The following AKT3 variants were observed in gnomAD, a reference collection of about 807,000 sequenced individuals.
AKT3 encodes AKT serine/threonine kinase 3, also known as RAC-gamma serine/threonine-protein kinase.
Under a neutral mutation model 65.3 loss-of-function variants are expected in AKT3, and 15 were observed. That is an observed-to-expected ratio of 0.23 (90% confidence interval 0.15 to 0.35). The LOEUF is 0.35. AKT3 is among the 10% of genes least tolerant of loss of function. The pLI, the probability that AKT3 is intolerant of heterozygous loss-of-function variation, is 1.00. For missense variants in AKT3, 243 were observed against 576.5 expected (o/e 0.42, Z 5.92); for synonymous variants, 206 against 183.8 (o/e 1.12, Z -0.98).
chr1:243,528,081 T>TAC (rs1671279165), intron 12 of AKT3, among the ~76,000 whole-genome samples: 1 of 152,186 alleles, frequency 6.6e-6, no homozygotes, highest in African/African-American at 2.4e-5. Flanking sequence ...TTGATGTCAC[T>TAC]ACAAGGGTAT....
chr1:243,526,947 A>G (rs1344644757), intron 12 of AKT3, among the ~76,000 whole-genome samples: 3 of 152,114 alleles, frequency 2.0e-5, no homozygotes, highest in African/African-American at 7.2e-5. Context: ...AAAACCATGG[A>G]AGTGTATACT....
chr1:243,844,789 G>A (rs1284420072), intron 1 of AKT3, among the ~76,000 whole-genome samples: 5 of 152,130 alleles, frequency 3.3e-5, no homozygotes, highest in African/African-American at 4.8e-5. Flanking sequence ...TTCTTCATAA[G>A]ATGTATGCGG....
At chr1:243,754,352 C>T (rs1200788461) in intron 2 of AKT3, among the ~76,000 whole-genome samples, 1 of 152,222 alleles carries the variant, frequency 6.6e-6, no homozygotes, top group Non-Finnish European at 1.5e-5. Context: ...CCTGTATCTG[C>T]ATTTGATTTT....
In AKT3 at chr1:243,499,849, C is replaced by A. The variant is rs887001769; in HGVS notation, c.*5400G>T. The A allele has an allele frequency of 3.3e-6, 5 of 1,497,814 alleles. No individual in the cohort carries two copies. The African/African-American group carries it at 5.5e-5, about 17-fold the overall frequency. The allele number at this position is 1,497,814 out of a possible 1,614,324, so 92.8% of individuals were successfully genotyped here. A position where few individuals can be genotyped will look rare whatever the true frequency, so the allele number is the denominator to read the frequency against. ...GATATTTACATTCATCTGGTTTAGA[C>A]TTAATATGCCACAACGCACCACGAC... On this transcript the variant is annotated 3_prime_UTR_variant, in exon 14 of 14. Transcript: ENST00000673466.
intron 2 of AKT3, among the ~76,000 whole-genome samples, chr1:243,841,164 T>C (rs1282059843): frequency 7.9e-6 from 1 of 127,202 alleles, no homozygotes; most frequent in Non-Finnish European, 1.9e-5. Context: ...AGAAAAATGA[T>C]GGCAAATTCT....
chr1:243,745,323 G>A (rs1427404561), intron 2 of AKT3, among the ~76,000 whole-genome samples: 1 of 152,288 alleles, frequency 6.6e-6, no homozygotes, highest in South Asian at 2.1e-4. Flanking sequence ...CTGGGCAACA[G>A]AGGGAGATCC....
intron 2 of AKT3, among the ~76,000 whole-genome samples, chr1:243,831,783 T>C (rs1694528751): frequency 6.6e-6 from 1 of 152,110 alleles, no homozygotes; most frequent in South Asian, 2.1e-4. Flanking sequence ...TTTTAAATCT[T>C]TCCACCCAAA....
intron 5 of AKT3, among the ~76,000 whole-genome samples, chr1:243,644,796 C>T (rs1287621055): frequency 6.6e-6 from 1 of 151,470 alleles, no homozygotes; most frequent in Non-Finnish European, 1.5e-5. Context: ...TACACATGTA[C>T]AAAAGAAGCT....
At chr1:243,701,302 T>A (rs926947501) in intron 2 of AKT3, among the ~76,000 whole-genome samples, 2 of 152,194 alleles carry the variant, frequency 1.3e-5, no homozygotes, top group African/African-American at 4.8e-5. Flanking sequence ...AAATAGATCA[T>A]GTTGATGAAT....
rs1360543117 is a variant in AKT3 at position 243,768,831 on chromosome 1, CA to C, written c.47-73116del. Among the ~76,000 whole-genome samples the C allele has an allele frequency of 3.4e-3, 262 of 78,162 alleles. 1 individual carries two copies. The highest frequency in any genetic ancestry group is 7.5e-3 in the African/African-American group (167 of 22,142). 51.3% of individuals were successfully genotyped at this position (78,162 alleles called of 152,430 possible). A position where few individuals can be genotyped will look rare whatever the true frequency, so the allele number is the denominator to read the frequency against. ...GTCCGGGCAAGACAGTGATCCGCCA[CA>C]AAAAAAAAAAAAAAAAGAGAGCGAT... On this transcript the variant is annotated intron_variant, in intron 2 of 13. Coordinates refer to ENST00000673466, the MANE Select transcript of AKT3 (RefSeq NM_005465.7).
chr1:243,665,832 G>A (rs1395857433), intron 3 of AKT3, among the ~76,000 whole-genome samples: 1 of 152,054 alleles, frequency 6.6e-6, no homozygotes, highest in East Asian at 1.9e-4. Flanking sequence ...GAAAAAATAG[G>A]GTAGGGTTGT....
chr1:243,614,957 TA>T, intron 7 of AKT3, 138 bp downstream of exon 7: 1 of 652,092 alleles, frequency 1.5e-6, no homozygotes. Context: ...TAATAAGTTA[TA>T]AGAAATTTGA....
At chr1:243,776,669 G>C (rs1242467478) in intron 2 of AKT3, among the ~76,000 whole-genome samples, 2 of 152,086 alleles carry the variant, frequency 1.3e-5, no homozygotes, top group Admixed American at 6.5e-5. Flanking sequence ...CCATTTTACA[G>C]AAGAAAAAAT....
At chr1:243,694,301 A>G (rs1419807459) in intron 3 of AKT3, among the ~76,000 whole-genome samples, 1 of 152,176 alleles carries the variant, frequency 6.6e-6, no homozygotes, top group South Asian at 2.1e-4. Context: ...GTTCACTCAA[A>G]AAGTCTTTAA....
Position 243,811,108 on chromosome 1 carries a change from T to C in AKT3, c.46+32017A>G, listed in dbSNP as rs191730236. On this transcript the variant is annotated intron_variant, in intron 2 of 13. Coordinates refer to ENST00000673466, the MANE Select transcript of AKT3 (RefSeq NM_005465.7). ...AACTGGAAGCATTCCCTTTGAAAAC[T>C]GGCACAAGACAGGGATGCCCTCTCT... Among the ~76,000 whole-genome samples the C allele has an allele frequency of 3.5e-3, 533 of 152,284 alleles. 2 individuals are homozygous for C. Among genetic ancestry groups the C allele is most frequent in the African/African-American group, 0.012 (515 of 41,560 alleles).
intron 5 of AKT3, among the ~76,000 whole-genome samples, chr1:243,639,337 T>A (rs12138722): frequency 0.51 from 77,314 of 152,020 alleles, 23,742 homozygotes; most frequent in Non-Finnish European, 0.68. Context: ...ATACAAATTC[T>A]TTCTGAAAAT....
rs1351507671 is a variant in AKT3, at chr1:243,753,429, A to G, written c.47-57713T>C. ...CCCTTTCCCCTAAACATAGTTTCTC[A>G]AAATCTAGTATCTTCAAAATTGACC... On this transcript the variant is annotated intron_variant, in intron 2 of 13. Coordinates refer to ENST00000673466, the MANE Select transcript of AKT3 (RefSeq NM_005465.7). Among the ~76,000 whole-genome samples the G allele has an allele frequency of 2.6e-5, 4 of 152,170 alleles. No homozygotes were observed. The South Asian group carries it at 8.3e-4, about 32-fold the overall frequency.
At chr1:243,557,925 A>G (rs1412845906) in intron 10 of AKT3, among the ~76,000 whole-genome samples, 1 of 152,090 alleles carries the variant, frequency 6.6e-6, no homozygotes, top group Non-Finnish European at 1.5e-5. Flanking sequence ...CACAAAAAGC[A>G]TAGAGATTCT....
intron 3 of AKT3, among the ~76,000 whole-genome samples, chr1:243,673,614 T>A (rs1438183015): frequency 6.7e-6 from 1 of 148,770 alleles, no homozygotes; most frequent in African/African-American, 2.5e-5. Context: ...TTATGAGATT[T>A]TTTTTTTTTT....
Sources: gnomAD v4.1 joint callset for allele counts (sites outside exome capture counted in the v4.1 genomes callset) on GRCh38, gnomAD v4.1.1 for gene constraint, MANE v1.5 for transcripts, NCBI Gene and HGNC (gene_info 2026-07-23, HGNC 2026-07-21) for gene names.